The following CYP19A1 variants were observed in gnomAD, a reference collection of about 807,000 sequenced individuals.
CYP19A1 encodes the protein aromatase.
A neutral mutation model predicts 44.4 loss-of-function variants in CYP19A1; 32 were observed. The observed-to-expected ratio is 0.72, with a 90% CI of 0.54 to 0.97. The LOEUF (loss-of-function observed/expected upper bound fraction) is 0.97. CYP19A1 is among the 50% of genes least tolerant of loss of function. The probability of loss-of-function intolerance (pLI) is 0.00; values close to 1 mark genes in which losing one functional copy is unlikely to be tolerated. For synonymous variants in CYP19A1, 212 were observed against 215.6 expected (o/e 0.98, Z 0.14); for missense variants, 598 against 637.8 (o/e 0.94, Z 0.67).
At chr15:51,320,191 A>C (rs1392159107) in intron 1 of CYP19A1, 1 of 152,230 alleles carries the variant, frequency 6.6e-6, no homozygotes, top group Non-Finnish European at 1.5e-5. Context: ...CAGCTGCATC[A>C]TGTGCATACT....
Position 51,212,324 on chromosome 15 carries a change from T to A in CYP19A1, c.1259A>T (p.Lys420Met). 1 of 1,598,238 alleles carries A rather than the reference T, an allele frequency of 6.3e-7. No homozygotes were observed. The highest frequency in any genetic ancestry group is 1.3e-5 in the African/African-American group (1 of 74,678). The change falls in exon 9 of 10, where the codon AAG becomes ATG. Residue 420 changes from lysine to methionine, a missense_variant. Coordinates refer to ENST00000396402, the MANE Select transcript of CYP19A1 (RefSeq NM_000103.4). ...GTTTTAAGGAAGGGCTCTTACATTC[T>A]TTGCAAAATTTTCAAGAGTAAATTC... ...PNEFTLENFA[K>M]NVPYRYFQPF...
chr15:51,224,872 C>G (rs2032440200), intron 4 of CYP19A1, among the ~76,000 whole-genome samples: 1 of 152,222 alleles, frequency 6.6e-6, no homozygotes, highest in Admixed American at 6.5e-5. Flanking sequence ...GACTTACCGA[C>G]AGGGCCCTGG....
At chr15:51,229,825 T>C (rs1008268776) in intron 3 of CYP19A1, among the ~76,000 whole-genome samples, 7 of 152,250 alleles carry the variant, frequency 4.6e-5, no homozygotes, top group African/African-American at 1.7e-4. Context: ...CAAACACTAT[T>C]TTTCTGCTCT....
intron 1 of CYP19A1, among the ~76,000 whole-genome samples, chr15:51,283,640 T>C (rs985521151): frequency 3.3e-5 from 5 of 152,074 alleles, no homozygotes; most frequent in Non-Finnish European, 7.4e-5. Context: ...AAAAAAGGAA[T>C]GTAGAAAAGG....
chr15:51,328,547 G>GGTGTGTGTGT (rs56202041), intron 1 of CYP19A1, among the ~76,000 whole-genome samples: 1 of 147,318 alleles, frequency 6.8e-6, no homozygotes, highest in African/African-American at 2.5e-5. Flanking sequence ...ACAGGGCAGG[G>GGTGTGTGTGT]GTGTGTGTGT....
At chr15:51,309,292 A>T (rs1357887320) in intron 1 of CYP19A1, among the ~76,000 whole-genome samples, 1 of 152,144 alleles carries the variant, frequency 6.6e-6, no homozygotes, top group African/African-American at 2.4e-5. Flanking sequence ...TAGCACCCTG[A>T]TCTCAGATTT....
chr15:51,327,913 A>G (rs1479926872), intron 1 of CYP19A1, among the ~76,000 whole-genome samples: 1 of 152,240 alleles, frequency 6.6e-6, no homozygotes. Context: ...TCACTGGGTT[A>G]TAATCAAGAA....
At chr15:51,211,089 T>C in intron 9 of CYP19A1, 33 bp from the exon 10 acceptor site, 1 of 1,458,178 alleles carries the variant, frequency 6.9e-7, no homozygotes, top group Non-Finnish European at 9.6e-7. Flanking sequence ...AGCCAGAATA[T>C]TAAAGGCTAG....
chr15:51,287,383 G>A (rs931997976), intron 1 of CYP19A1, among the ~76,000 whole-genome samples: 1 of 152,174 alleles, frequency 6.6e-6, no homozygotes, highest in Non-Finnish European at 1.5e-5. Flanking sequence ...GTGTTCTCTG[G>A]CATATCAGGC....
chr15:51,299,593 C>G (rs1416398364), intron 1 of CYP19A1, among the ~76,000 whole-genome samples: 1 of 152,212 alleles, frequency 6.6e-6, no homozygotes, highest in Admixed American at 6.5e-5. Flanking sequence ...CTAACTGTGC[C>G]TTTGCAAACA....
At chr15:51,294,173 A>C (rs1250661858) in intron 1 of CYP19A1, among the ~76,000 whole-genome samples, 370 of 94,450 alleles carry the variant, frequency 3.9e-3, no homozygotes, top group Middle Eastern at 7.8e-3. Context: ...CTGGCTGCCC[A>C]GTCTGGAAAG....
intron 1 of CYP19A1, among the ~76,000 whole-genome samples, chr15:51,282,597 C>G (rs554924522): frequency 1.3e-5 from 2 of 152,210 alleles, no homozygotes; most frequent in Non-Finnish European, 2.9e-5. Flanking sequence ...CACCTGGACC[C>G]ACTTTCTCTC....
chr15:51,300,526 C>T (rs1436635450), intron 1 of CYP19A1, among the ~76,000 whole-genome samples: 2 of 152,148 alleles, frequency 1.3e-5, no homozygotes, highest in Non-Finnish European at 2.9e-5. Flanking sequence ...GTTCCCCAAT[C>T]AGTTGTCAAG....
chr15:51,210,178 T>C lies in CYP19A1; in HGVS notation c.*630A>G, dbSNP rs2030792268. 2.8e-6 allele frequency: 1 copy of C among 359,934 alleles called. No homozygotes were observed. Among genetic ancestry groups the C allele is most frequent in the African/African-American group, 2.1e-5 (1 of 46,830 alleles). 22.3% of individuals were successfully genotyped at this position (359,934 alleles called of 1,614,324 possible). ...GTGGCTGAGGCATAAATCGACAGACTGGGAAAGAATTTCCTCTGATTAAAC... is the reference window on the plus strand; with the variant it reads ...GTGGCTGAGGCATAAATCGACAGACCGGGAAAGAATTTCCTCTGATTAAAC... On this transcript the variant is annotated 3_prime_UTR_variant, in exon 10 of 10. Transcript: ENST00000396402.
intron 1 of CYP19A1, among the ~76,000 whole-genome samples, chr15:51,244,742 T>C (rs1306225689): frequency 6.6e-6 from 1 of 152,144 alleles, no homozygotes; most frequent in African/African-American, 2.4e-5. Context: ...CAGGAAGTGA[T>C]CCCAGCAAAA....
chr15:51,218,358 TG>T, intron 6 of CYP19A1, 182 bp downstream of exon 6: 1 of 870,428 alleles, frequency 1.1e-6, no homozygotes. Context: ...ATTTACTCTC[TG>T]GTCTGGCCAA....
intron 1 of CYP19A1, among the ~76,000 whole-genome samples, chr15:51,260,772 A>T (rs185069791): frequency 1.3e-5 from 2 of 152,336 alleles, no homozygotes; most frequent in African/African-American, 4.8e-5. Context: ...AAATAGTCAA[A>T]TCATATATTG....
intron 3 of CYP19A1, among the ~76,000 whole-genome samples, chr15:51,235,376 GC>G (rs2033324211): frequency 6.6e-6 from 1 of 152,196 alleles, no homozygotes; most frequent in African/African-American, 2.4e-5. Flanking sequence ...CCAAGAACGT[GC>G]ATTGCTAACA....
intron 1 of CYP19A1, among the ~76,000 whole-genome samples, chr15:51,334,273 G>A (rs529727981): frequency 6.6e-6 from 1 of 152,178 alleles, no homozygotes; most frequent in Non-Finnish European, 1.5e-5. Context: ...ATGGGTGAAC[G>A]TTGATGAGGT....
Sources: gnomAD v4.1 joint callset for allele counts (sites outside exome capture counted in the v4.1 genomes callset) on GRCh38, gnomAD v4.1.1 for gene constraint, MANE v1.5 for transcripts, NCBI Gene and HGNC (gene_info 2026-07-23, HGNC 2026-07-21) for gene names.